Variants in ITFG1 observed in about 807,000 individuals in gnomAD.
ITFG1 encodes the protein integrin alpha FG-GAP repeat containing 1.
ITFG1 carries 34 observed loss-of-function variants against 81.8 expected under a neutral mutation model. The ratio of observed to expected loss-of-function variants is 0.42; its 90% CI spans 0.32 to 0.55. The LOEUF is 0.55. ITFG1 is among the 20% of genes least tolerant of loss of function. The pLI, the probability that ITFG1 is intolerant of heterozygous loss-of-function variation, is 0.17. For synonymous variants in ITFG1, 285 were observed against 270.6 expected (o/e 1.05, Z -0.52); for missense variants, 672 against 755.4 (o/e 0.89, Z 1.29).
intron 14 of ITFG1, among the ~76,000 whole-genome samples, chr16:47,179,316 T>G (rs909416632): frequency 3.3e-5 from 5 of 152,312 alleles, no homozygotes; most frequent in Non-Finnish European, 7.3e-5. Context: ...AGCAAAGACT[T>G]GGAACCAACC....
chr16:47,172,513 C>T (rs1964974895), intron 14 of ITFG1, among the ~76,000 whole-genome samples: 2 of 151,520 alleles, frequency 1.3e-5, no homozygotes, highest in East Asian at 3.9e-4. Context: ...CCAAAAAACC[C>T]CCCATAATCC....
intron 8 of ITFG1, among the ~76,000 whole-genome samples, chr16:47,314,762 T>G (rs540957176): frequency 6.7e-4 from 102 of 152,306 alleles, no homozygotes; most frequent in Middle Eastern, 3.4e-3. Flanking sequence ...TTGTATTGCT[T>G]TAATCACTGA....
intron 14 of ITFG1, among the ~76,000 whole-genome samples, chr16:47,191,225 A>G (rs900874905): frequency 6.6e-6 from 1 of 152,094 alleles, no homozygotes; most frequent in African/African-American, 2.4e-5. Flanking sequence ...CATATCTTCA[A>G]GGTCACTAAT....
At chr16:47,222,453 G>A (rs1329888008) in intron 13 of ITFG1, among the ~76,000 whole-genome samples, 4 of 144,728 alleles carry the variant, frequency 2.8e-5, no homozygotes, top group Non-Finnish European at 3.0e-5. Flanking sequence ...TCGCTAGGTC[G>A]CCCAGGCCGG....
chr16:47,248,666 A>G (rs1243638320), intron 12 of ITFG1, among the ~76,000 whole-genome samples: 1 of 152,252 alleles, frequency 6.6e-6, no homozygotes, highest in Non-Finnish European at 1.5e-5. Context: ...CAGTTAGGTT[A>G]AAAACAAACA....
rs150053731 is a variant in ITFG1, at chr16:47,197,553, C to T, written c.1453+21315G>A. 6.6e-5 allele frequency among the ~76,000 whole-genome samples: 10 copies of T among 152,316 alleles called. No homozygotes were observed. The South Asian group carries it at 1.7e-3, about 25-fold the overall frequency. On this transcript the variant is annotated intron_variant, in intron 14 of 17. Transcript: ENST00000320640. ...GTATAAAATCTAACTGTAACCTGAC[C>T]GCCTTGCCACACTTGCTCAGGACAT...
chr16:47,421,230 GTA>G (rs963389439), intron 6 of ITFG1, among the ~76,000 whole-genome samples: 100 of 150,130 alleles, frequency 6.7e-4, no homozygotes, highest in Non-Finnish European at 9.6e-4. Context: ...ATGTGTGTGT[GTA>G]TATATATGTA....
At chr16:47,368,102 C>T (rs981687780) in intron 7 of ITFG1, among the ~76,000 whole-genome samples, 40 of 151,982 alleles carry the variant, frequency 2.6e-4, no homozygotes, top group African/African-American at 8.0e-4. Context: ...GGCATGTTGG[C>T]GGGTGCCTGT....
chr16:47,254,771 C>G (rs1179397538), intron 12 of ITFG1, among the ~76,000 whole-genome samples: 1 of 152,154 alleles, frequency 6.6e-6, no homozygotes, highest in African/African-American at 2.4e-5. Flanking sequence ...AAGAATTGAT[C>G]TTTAATCTGT....
chr16:47,157,137 T>C (rs1964724468), intron 17 of ITFG1, among the ~76,000 whole-genome samples: 1 of 152,148 alleles, frequency 6.6e-6, no homozygotes, highest in Non-Finnish European at 1.5e-5. Context: ...GATGAAGCTT[T>C]AGAATGCTGG....
At chr16:47,156,322 A>C (rs1343419496) in intron 17 of ITFG1, among the ~76,000 whole-genome samples, 1 of 152,136 alleles carries the variant, frequency 6.6e-6, no homozygotes, top group Non-Finnish European at 1.5e-5. Flanking sequence ...ACCTGTAATC[A>C]CAGCTTCTTG....
intron 13 of ITFG1, among the ~76,000 whole-genome samples, chr16:47,223,624 A>G (rs1168768268): frequency 6.6e-6 from 1 of 152,142 alleles, no homozygotes; most frequent in African/African-American, 2.4e-5. Context: ...GTGGGACTGT[A>G]AACTAGTTCA....
chr16:47,350,362 T>TA (rs1217291611), intron 8 of ITFG1, among the ~76,000 whole-genome samples: 1 of 151,830 alleles, frequency 6.6e-6, no homozygotes, highest in Non-Finnish European at 1.5e-5. Flanking sequence ...ATAGACGCAA[T>TA]AAAAAATGAT....
chr16:47,321,799 A>T (rs774759686), intron 8 of ITFG1, among the ~76,000 whole-genome samples: 86 of 152,140 alleles, frequency 5.7e-4, no homozygotes, highest in Non-Finnish European at 9.7e-4. Flanking sequence ...TAAGAATTTT[A>T]AAATAATTGA....
At chr16:47,363,691 A>G (rs947212614) in intron 8 of ITFG1, among the ~76,000 whole-genome samples, 1 of 152,224 alleles carries the variant, frequency 6.6e-6, no homozygotes, top group Non-Finnish European at 1.5e-5. Context: ...CTACTTCTCT[A>G]TAATTTACTT....
chr16:47,247,419 T>C (rs1310658584), intron 12 of ITFG1, among the ~76,000 whole-genome samples: 1 of 152,206 alleles, frequency 6.6e-6, no homozygotes, highest in Non-Finnish European at 1.5e-5. Context: ...ATTAATAATC[T>C]GCTACTACAG....
At position 47,271,860 on chromosome 16, in the gene ITFG1, AAAAC is replaced by A. The variant is rs529753768; in HGVS notation, c.1071-11169_1071-11166del. On this transcript the variant is annotated intron_variant, in intron 10 of 17. Coordinates refer to ENST00000320640, the MANE Select transcript of ITFG1 (RefSeq NM_030790.5). ...GGCGACAGAGCGAGATTCCATCTCA[AAAAC>A]AAACAAACAACAAAAACCAGAGTTC... Among the ~76,000 whole-genome samples, 209 of 152,348 alleles carry A rather than the reference AAAAC, an allele frequency of 1.4e-3. 1 individual carries two copies. The highest frequency in any genetic ancestry group is 3.9e-3 in the Admixed American group (59 of 15,306).
At chr16:47,319,035 C>T (rs929656803) in intron 8 of ITFG1, among the ~76,000 whole-genome samples, 3 of 152,140 alleles carry the variant, frequency 2.0e-5, no homozygotes, top group Non-Finnish European at 4.4e-5. Flanking sequence ...TTAATTAAAA[C>T]CATTGGTCTA....
intron 10 of ITFG1, among the ~76,000 whole-genome samples, chr16:47,296,148 C>T (rs1407479939): frequency 6.6e-6 from 1 of 151,830 alleles, no homozygotes; most frequent in African/African-American, 2.4e-5. Context: ...GTTGGCCAGA[C>T]TGGTCCTGAA....
Sources: gnomAD v4.1 joint callset for allele counts (sites outside exome capture counted in the v4.1 genomes callset) on GRCh38, gnomAD v4.1.1 for gene constraint, MANE v1.5 for transcripts, NCBI Gene and HGNC (gene_info 2026-07-23, HGNC 2026-07-21) for gene names.